The following DAB2IP variants were observed in gnomAD, a reference collection of about 807,000 sequenced individuals.
The protein encoded by DAB2IP is disabled homolog 2-interacting protein.
A neutral mutation model predicts 107.2 loss-of-function variants in DAB2IP; 28 were observed. The ratio of observed to expected loss-of-function variants is 0.26; its 90% CI spans 0.19 to 0.36. The LOEUF is 0.36. DAB2IP is among the 10% of genes least tolerant of loss of function. DAB2IP has a pLI of 1.00. For missense variants in DAB2IP, 1,400 were observed against 1,644.7 expected (o/e 0.85, Z 2.57); for synonymous variants, 755 against 706.4 (o/e 1.07, Z -1.09).
Position 121,735,627 on chromosome 9 carries a change from G to GT in DAB2IP, c.363-21386_363-21385insT, listed in dbSNP as rs571058944. 3.5e-3 allele frequency among the ~76,000 whole-genome samples: 529 copies of GT among 152,270 alleles called. 2 individuals are homozygous for GT. The highest frequency in any genetic ancestry group is 4.1e-3 in the Non-Finnish European group (281 of 68,020). On this transcript the variant is annotated intron_variant, in intron 3 of 15. Transcript: ENST00000408936. Reference sequence around the variant, plus strand: ...CTTCTGTTCATATTTACATCGGGAGGCTGTGCAGCCTCGGGTTCCTGGCCT... The same window carrying GT: ...CTTCTGTTCATATTTACATCGGGAGGTCTGTGCAGCCTCGGGTTCCTGGCCT...
intron 1 of DAB2IP, among the ~76,000 whole-genome samples, chr9:121,678,463 A>G (rs752657154): frequency 5.9e-5 from 9 of 152,092 alleles, no homozygotes; most frequent in Admixed American, 1.3e-4. Context: ...CTTGTTTTCA[A>G]TTATTTTGGG....
intron 1 of DAB2IP, among the ~76,000 whole-genome samples, chr9:121,568,008 G>T (rs541082550): frequency 1.3e-5 from 2 of 152,264 alleles, no homozygotes; most frequent in Admixed American, 1.3e-4. Context: ...CTGGGCATGG[G>T]GGGGTGGGGC....
intron 3 of DAB2IP, among the ~76,000 whole-genome samples, chr9:121,708,256 T>G (rs910328734): frequency 6.6e-6 from 1 of 152,218 alleles, no homozygotes; most frequent in Non-Finnish European, 1.5e-5. Context: ...ACCCGATGTG[T>G]GAGTGGCCCA....
intron 3 of DAB2IP, among the ~76,000 whole-genome samples, chr9:121,746,191 C>G (rs943520487): frequency 3.3e-5 from 5 of 151,960 alleles, no homozygotes; most frequent in Non-Finnish European, 7.4e-5. Flanking sequence ...GCAGGAAGGG[C>G]GTGCGGGAAG....
intron 1 of DAB2IP, among the ~76,000 whole-genome samples, chr9:121,569,966 T>TGTG (rs35589260): frequency 5.9e-5 from 9 of 151,606 alleles, no homozygotes; most frequent in Admixed American, 1.3e-4. Flanking sequence ...ATTAAAATTT[T>TGTG]TGTGTGTGTG....
chr9:121,759,869 C>G lies in DAB2IP; in HGVS notation c.616-16C>G. The G allele has an allele frequency of 6.2e-7, 1 of 1,601,724 alleles. No homozygotes were observed. Among genetic ancestry groups the G allele is most frequent in the Non-Finnish European group, 8.5e-7 (1 of 1,172,426 alleles). Reference sequence around the variant, plus strand: ...GCACCCCCAGCTGACCACCCTGGACCCCCGTGCACATACAGGACAACAGCC... The same window carrying G: ...GCACCCCCAGCTGACCACCCTGGACGCCCGTGCACATACAGGACAACAGCC... On this transcript the variant is annotated splice_polypyrimidine_tract_variant and intron_variant, in intron 5 of 15. Coordinates refer to ENST00000408936, the Ensembl canonical transcript of DAB2IP.
chr9:121,620,129 C>T (rs773624560), intron 1 of DAB2IP, among the ~76,000 whole-genome samples: 2 of 152,178 alleles, frequency 1.3e-5, no homozygotes, highest in Non-Finnish European at 2.9e-5. Flanking sequence ...AGGTCCTTCC[C>T]GGCTCTGACC....
chr9:121,711,363 C>G (rs1346910260), intron 3 of DAB2IP, among the ~76,000 whole-genome samples: 3 of 152,142 alleles, frequency 2.0e-5, no homozygotes, highest in Non-Finnish European at 4.4e-5. Context: ...TGATTGTGTG[C>G]TCAAATACAT....
At chr9:121,625,914 G>A (rs1019621913) in intron 1 of DAB2IP, among the ~76,000 whole-genome samples, 1 of 152,190 alleles carries the variant, frequency 6.6e-6, no homozygotes, top group Non-Finnish European at 1.5e-5. Context: ...AGTGTGGGCT[G>A]GAGTGTGTTC....
intron 1 of DAB2IP, among the ~76,000 whole-genome samples, chr9:121,621,986 T>A (rs1452410407): frequency 9.6e-6 from 1 of 103,642 alleles, no homozygotes; most frequent in East Asian, 2.2e-4. Flanking sequence ...TTTTCTTTCT[T>A]TTTTTTTTTT....
intron 3 of DAB2IP, among the ~76,000 whole-genome samples, chr9:121,710,830 A>G (rs1830305483): frequency 6.6e-6 from 1 of 152,048 alleles, no homozygotes. Context: ...ACTACAGCAG[A>G]CTCACCAAGG....
intron 1 of DAB2IP, among the ~76,000 whole-genome samples, chr9:121,610,354 A>G (rs575230374): frequency 4.5e-4 from 68 of 152,256 alleles, no homozygotes; most frequent in South Asian, 3.5e-3. Flanking sequence ...AGTACTTCCC[A>G]TGGACCAGCC....
At chr9:121,578,516 G>C (rs1240773968) in intron 1 of DAB2IP, among the ~76,000 whole-genome samples, 2 of 151,764 alleles carry the variant, frequency 1.3e-5, no homozygotes, top group African/African-American at 4.8e-5. Context: ...CAAGCCCCGG[G>C]GGATTTTTGC....
exon 16 of DAB2IP, chr9:121,785,503 A>C (rs1835946073): frequency 6.6e-6 from 1 of 152,670 alleles, no homozygotes; most frequent in African/African-American, 2.4e-5. Context: ...GCAATTAGAA[A>C]TATTAAAGAT....
At chr9:121,752,100 C>T (rs1833158996) in intron 3 of DAB2IP, 1 of 907,598 alleles carries the variant, frequency 1.1e-6, no homozygotes, top group East Asian at 1.2e-4. Flanking sequence ...GGATGAGCCT[C>T]CTAACCTTGA....
intron 3 of DAB2IP, among the ~76,000 whole-genome samples, chr9:121,714,121 C>CT (rs1278072772): frequency 3.3e-5 from 5 of 152,290 alleles, no homozygotes; most frequent in South Asian, 2.1e-4. Flanking sequence ...CATGCTTTTG[C>CT]TTTTTTGTTT....
In DAB2IP at chr9:121,592,456, A is replaced by G. The variant is rs570168226; in HGVS notation, c.40+25228A>G. Among the ~76,000 whole-genome samples the G allele has an allele frequency of 1.1e-4, 17 of 152,348 alleles. No homozygotes were observed. In the East Asian group the frequency reaches 3.3e-3, roughly 29 times the overall value. On this transcript the variant is annotated intron_variant, in intron 1 of 16. Transcript: ENST00000259371. ...CCGTTTGCATGGGACAAAGTGCCCC[A>G]GTGGCTAATGTCCATGTCACCAGGA...
At chr9:121,647,866 A>G (rs1213151354), upstream of DAB2IP, among the ~76,000 whole-genome samples, 1 of 149,890 alleles carries the variant, frequency 6.7e-6, no homozygotes, top group African/African-American at 2.4e-5. Context: ...ACATATACGT[A>G]TTATATATAT....
In DAB2IP at chr9:121,699,159, C is replaced by T. The variant is rs1418497135; in HGVS notation, c.229-166C>T. 6.9e-6 allele frequency among the ~76,000 whole-genome samples: 1 copy of T among 144,568 alleles called. No homozygotes were observed. The highest frequency in any genetic ancestry group is 6.8e-5 in the Admixed American group (1 of 14,672). The allele number at this position is 144,568 out of a possible 152,430, so 94.8% of individuals were successfully genotyped here. A position where few individuals can be genotyped will look rare whatever the true frequency, so the allele number is the denominator to read the frequency against. On this transcript the variant is annotated intron_variant, in intron 2 of 15. Coordinates refer to ENST00000408936, the Ensembl canonical transcript of DAB2IP. This position sits in a 1 kb window ranked among gnomAD's most constrained non-coding sequence, Gnocchi z 6.2. ...GCGGGCCGGGCCGTCGGCGCTCGGT[C>T]GGCGGGCGGGCGGCGCGGGCCGCGA... is the stretch of plus-strand genomic sequence containing the variant.
Sources: gnomAD v4.1 joint callset for allele counts (sites outside exome capture counted in the v4.1 genomes callset) on GRCh38, gnomAD v4.1.1 for gene constraint, Gnocchi (gnomAD v3.1) non-coding constraint, MANE v1.5 for transcripts, NCBI Gene and HGNC (gene_info 2026-07-23, HGNC 2026-07-21) for gene names.